Variants in FER observed in about 807,000 individuals in gnomAD.
FER encodes the protein FER tyrosine kinase, also known as tyrosine-protein kinase Fer.
In FER, 63 loss-of-function variants were observed where a neutral mutation model predicts 111.0. That is an observed-to-expected ratio of 0.57 (90% CI 0.46 to 0.70). The LOEUF is 0.70. FER is among the 30% of genes least tolerant of loss of function. The pLI is 0.00. For missense variants in FER, 914 were observed against 954.0 expected (o/e 0.96, Z 0.55); for synonymous variants, 327 against 313.9 (o/e 1.04, Z -0.44).
chr5:108,852,192 A>G lies in FER; in HGVS notation c.482-15575A>G, dbSNP rs575803207. ...AGCTGCAAGTCTCATTCAAAAGTAA[A>G]TTTTTCTGTAATTGGGAAGTAGATT... On this transcript the variant is annotated intron_variant, in intron 5 of 19. Transcript: ENST00000281092. Among the ~76,000 whole-genome samples the G allele has an allele frequency of 2.0e-4, 30 of 152,152 alleles. 1 individual carries two copies. In the South Asian group the frequency reaches 5.8e-3, roughly 29 times the overall value.
At position 109,068,638 on chromosome 5, in the gene FER, A is replaced by G. The variant is rs79565146; in HGVS notation, c.1924+21440A>G. 9.9e-3 allele frequency among the ~76,000 whole-genome samples: 1,502 copies of G among 152,288 alleles called. 20 individuals are homozygous for G. The highest frequency in any genetic ancestry group is 0.034 in the African/African-American group (1,433 of 41,558). On this transcript the variant is annotated intron_variant, in intron 16 of 19. Coordinates refer to ENST00000281092, the MANE Select transcript of FER (RefSeq NM_005246.4). ...TTGGAACCATATGTGGTTTTAAATT[A>G]TTGCTCTACTATCATTTGTGTGACT...
chr5:109,071,701 A>C (rs769650974), intron 16 of FER, among the ~76,000 whole-genome samples: 25 of 152,058 alleles, frequency 1.6e-4, no homozygotes, highest in Middle Eastern at 3.4e-3. Context: ...AGTATATGAG[A>C]AGAGGACACG....
In FER at chr5:109,062,147, C is replaced by G. The variant is rs1247108342; in HGVS notation, c.1924+14949C>G. On this transcript the variant is annotated intron_variant, in intron 16 of 19. Coordinates refer to ENST00000281092, the MANE Select transcript of FER (RefSeq NM_005246.4). ...ACCCTAATATGCTAAAAGATGACCC[C>G]TTACTTTATAGACAAGTTATTACTT... Among the ~76,000 whole-genome samples the G allele has an allele frequency of 2.0e-5, 3 of 152,050 alleles. No homozygotes were observed. In the East Asian group the frequency reaches 5.8e-4, roughly 29 times the overall value.
intron 16 of FER, among the ~76,000 whole-genome samples, chr5:109,061,267 T>A (rs1327894161): frequency 6.6e-6 from 1 of 152,198 alleles, no homozygotes; most frequent in Non-Finnish European, 1.5e-5. Context: ...TCAAAATTAT[T>A]TGTCTTTTCT....
chr5:109,157,806 G>A (rs1445661923), intron 17 of FER, among the ~76,000 whole-genome samples: 1 of 152,066 alleles, frequency 6.6e-6, no homozygotes, highest in Non-Finnish European at 1.5e-5. Flanking sequence ...CAGCAAACAT[G>A]TATTGAGAAC....
intron 17 of FER, among the ~76,000 whole-genome samples, chr5:109,157,896 G>A (rs1329255311): frequency 6.6e-6 from 1 of 152,098 alleles, no homozygotes; most frequent in Non-Finnish European, 1.5e-5. Flanking sequence ...ATTTGAGACA[G>A]AGTCAGACAA....
chr5:108,806,252 ACCT>A, intron 3 of FER, among the ~76,000 whole-genome samples: 1 of 152,192 alleles, frequency 6.6e-6, no homozygotes, highest in Admixed American at 6.5e-5. Flanking sequence ...AGGTTTGGGA[ACCT>A]CCTCCTAGAT....
intron 5 of FER, among the ~76,000 whole-genome samples, chr5:108,840,724 A>G (rs1561495131): frequency 6.6e-6 from 1 of 152,120 alleles, no homozygotes; most frequent in Non-Finnish European, 1.5e-5. Flanking sequence ...ATGACGATGT[A>G]TACTTTATGT....
chr5:108,810,208 A>G (rs1757608072), intron 3 of FER, among the ~76,000 whole-genome samples: 2 of 151,994 alleles, frequency 1.3e-5, no homozygotes, highest in African/African-American at 4.8e-5. Flanking sequence ...CAGGTTTTAT[A>G]CTGGGCTTTT....
chr5:108,811,062 A>T (rs181579056), intron 3 of FER, among the ~76,000 whole-genome samples: 1 of 152,168 alleles, frequency 6.6e-6, no homozygotes, highest in African/African-American at 2.4e-5. Context: ...CTGGCCGTGG[A>T]ATGGAGAGGG....
intron 13 of FER, among the ~76,000 whole-genome samples, chr5:108,983,155 G>A (rs569840611): frequency 6.6e-6 from 1 of 152,068 alleles, no homozygotes; most frequent in South Asian, 2.1e-4. Context: ...ATGACAATAT[G>A]GAAATATGTA....
rs145816817 is a variant in FER at position 108,956,468 on chromosome 5, G to A, written c.1533+1536G>A. On this transcript the variant is annotated intron_variant, in intron 12 of 19. Coordinates refer to ENST00000281092, the MANE Select transcript of FER (RefSeq NM_005246.4). ...TGTAACTATAAGTATTTAAATTAGC[G>A]TTCTTAGAAACAAAAAGGAAAGGGT... 4.6e-3 allele frequency among the ~76,000 whole-genome samples: 695 copies of A among 151,480 alleles called. 1 individual carries two copies. Among genetic ancestry groups the A allele is most frequent in the African/African-American group, 6.2e-3 (259 of 41,462 alleles).
intron 9 of FER, among the ~76,000 whole-genome samples, chr5:108,893,347 A>G (rs1748484497): frequency 6.6e-6 from 1 of 151,218 alleles, no homozygotes; most frequent in Non-Finnish European, 1.5e-5. Context: ...ATTTACATCT[A>G]TGTTAACTCT....
At chr5:108,960,303 T>C (rs1056710942) in intron 13 of FER, among the ~76,000 whole-genome samples, 2 of 152,152 alleles carry the variant, frequency 1.3e-5, no homozygotes, top group Non-Finnish European at 2.9e-5. Context: ...GTACTTTTAT[T>C]GTACTACTGA....
At chr5:108,896,900 A>G (rs778989185) in intron 9 of FER, among the ~76,000 whole-genome samples, 2 of 152,142 alleles carry the variant, frequency 1.3e-5, no homozygotes, top group Admixed American at 1.3e-4. Flanking sequence ...TTTGGAAATT[A>G]TTGTAATATA....
chr5:109,152,283 C>A (rs1754935446), intron 17 of FER, among the ~76,000 whole-genome samples: 1 of 151,736 alleles, frequency 6.6e-6, no homozygotes, highest in Non-Finnish European at 1.5e-5. Flanking sequence ...TTTTTTAAAT[C>A]CCAAATCTTT....
chr5:108,905,000 C>G (rs1280792562), intron 10 of FER, among the ~76,000 whole-genome samples: 1 of 151,938 alleles, frequency 6.6e-6, no homozygotes, highest in Non-Finnish European at 1.5e-5. Context: ...ATATAAATTT[C>G]TAACTTATAA....
At chr5:108,932,203 A>G (rs1754783361) in intron 10 of FER, among the ~76,000 whole-genome samples, 2 of 151,936 alleles carry the variant, frequency 1.3e-5, no homozygotes. Flanking sequence ...CCTGGTGTGT[A>G]ATATTCCTCT....
chr5:109,084,200 TA>T (rs770626317), intron 16 of FER, among the ~76,000 whole-genome samples: 17 of 152,012 alleles, frequency 1.1e-4, no homozygotes, highest in Non-Finnish European at 2.1e-4. Flanking sequence ...TGTTGACTTT[TA>T]AAAGAGATTA....
Sources: allele counts gnomAD v4.1 joint callset (sites outside exome capture counted in the v4.1 genomes callset), GRCh38; gene constraint gnomAD v4.1.1; transcripts MANE v1.5; gene names NCBI Gene and HGNC (gene_info 2026-07-23, HGNC 2026-07-21).